Variants in PLEKHH1 observed in about 807,000 individuals in gnomAD.
The protein encoded by PLEKHH1 is pleckstrin homology domain-containing family H member 1.
In PLEKHH1, 104 loss-of-function variants were observed where a neutral mutation model predicts 160.0. The ratio of observed to expected loss-of-function variants is 0.65; its 90% CI spans 0.55 to 0.76. The LOEUF (loss-of-function observed/expected upper bound fraction) is 0.76, where lower values mean the gene tolerates loss of function less well. PLEKHH1 is among the 30% of genes least tolerant of loss of function. The probability of loss-of-function intolerance (pLI) is 0.00; values close to 1 mark genes in which losing one functional copy is unlikely to be tolerated. For missense variants in PLEKHH1, 1,427 were observed against 1,724.1 expected (o/e 0.83, Z 3.05); for synonymous variants, 619 against 678.4 (o/e 0.91, Z 1.36).
In PLEKHH1 at chr14:67,576,081, G is replaced by A; in HGVS notation, c.2352+76G>A. ...ATCTTCCCTTCTCTCTTTCTCCTGA[G>A]CTTCCCAAAATTCAAATTTATTTCC... On this transcript the variant is annotated intron_variant, in intron 16 of 28. Coordinates refer to ENST00000329153, the MANE Select transcript of PLEKHH1 (RefSeq NM_020715.3). This position sits in a 1 kb window ranked among gnomAD's most constrained non-coding sequence, Gnocchi z 4.0. The A allele has an allele frequency of 8.2e-7, 1 of 1,215,106 alleles. No individual in the cohort carries two copies. Among genetic ancestry groups the A allele is most frequent in the South Asian group, 1.5e-5 (1 of 68,126 alleles). 75.3% of individuals were successfully genotyped at this position (1,215,106 alleles called of 1,614,324 possible).
At chr14:67,585,757 C>A in intron 27 of PLEKHH1, 103 bp downstream of exon 27, 1 of 1,019,078 alleles carries the variant, frequency 9.8e-7, no homozygotes, top group Non-Finnish European at 1.5e-6. Flanking sequence ...ACCATGGCTG[C>A]CCTACCCCCA....
At chr14:67,577,538 G>T in intron 18 of PLEKHH1, 124 bp downstream of exon 18, 1 of 658,096 alleles carries the variant, frequency 1.5e-6, no homozygotes, top group South Asian at 1.8e-5. Context: ...ACTTCCCAGG[G>T]TCCCTATCAC....
chr14:67,584,968 G>C (rs1466801532), intron 26 of PLEKHH1: 2 of 152,348 alleles, frequency 1.3e-5, no homozygotes, highest in African/African-American at 4.8e-5. Context: ...ATGTCTATCT[G>C]CCTCCCTTTG....
rs116175610 is a variant in PLEKHH1 at position 67,585,651 on chromosome 14, T to A, written c.3783T>A (p.Thr1261=). The A allele has an allele frequency of 2.6e-6, 4 of 1,558,968 alleles. No homozygotes were observed. Among genetic ancestry groups the A allele is most frequent in the Non-Finnish European group, 3.5e-6 (4 of 1,147,232 alleles). ...EDGVSILDHN[T]MQVHITYPYS... The stretch of plus-strand genomic sequence containing the variant: ...GCGTCAGCATCCTGGACCACAACAC[T>A]ATGGTATGAAAGGATGCAGGCTGCT... The change falls in exon 27 of 29, where the codon ACT becomes ACA. Residue 1261 remains threonine, a synonymous_variant. Coordinates refer to ENST00000329153, the MANE Select transcript of PLEKHH1 (RefSeq NM_020715.3).
Position 67,555,928 on chromosome 14 carries a change from G to T in PLEKHH1, c.189+41G>T. 2.5e-6 allele frequency: 4 copies of T among 1,603,910 alleles called. No individual in the cohort carries two copies. In the South Asian group the frequency reaches 4.5e-5, roughly 18 times the overall value. On this transcript the variant is annotated intron_variant, in intron 3 of 28. Coordinates refer to ENST00000329153, the MANE Select transcript of PLEKHH1 (RefSeq NM_020715.3). Reference sequence around the variant, plus strand: ...GATCGGCGGGAATATGCAGGGGAATGACCGTCGGCCCTTCCAGGCCCTTCC... The same window carrying T: ...GATCGGCGGGAATATGCAGGGGAATTACCGTCGGCCCTTCCAGGCCCTTCC...
Position 67,579,391 on chromosome 14 carries a change from C to A in PLEKHH1, c.3027+80C>A, listed in dbSNP as rs1416258163. ...AATACCCCTGGGCCTTAGGCTCAGG[C>A]TTGGCAGATTGTTCACTGTTGCCCC... On this transcript the variant is annotated intron_variant, in intron 21 of 28. Coordinates refer to ENST00000329153, the MANE Select transcript of PLEKHH1 (RefSeq NM_020715.3). 1.6e-5 allele frequency: 18 copies of A among 1,160,162 alleles called. No homozygotes were observed. In the Middle Eastern group the frequency reaches 1.2e-3, roughly 75 times the overall value. 71.9% of individuals were successfully genotyped at this position (1,160,162 alleles called of 1,614,324 possible).
At chr14:67,570,325 C>G (rs1198223858) in intron 9 of PLEKHH1, 4 of 1,077,814 alleles carry the variant, frequency 3.7e-6, no homozygotes, top group African/African-American at 1.6e-5. Context: ...GGGGCTCCTT[C>G]TAGAATTACT....
intron 1 of PLEKHH1, among the ~76,000 whole-genome samples, chr14:67,537,985 CAAG>C (rs1408519388): frequency 2.0e-5 from 3 of 152,174 alleles, no homozygotes; most frequent in African/African-American, 7.2e-5. Context: ...CCAGCAGAAT[CAAG>C]AAAACTATGA....
chr14:67,539,865 A>G (rs2140320246), intron 1 of PLEKHH1, among the ~76,000 whole-genome samples: 1 of 152,322 alleles, frequency 6.6e-6, no homozygotes, highest in South Asian at 2.1e-4. Context: ...TGTAAGGTTT[A>G]AAGAGGCAAC....
chr14:67,552,938 A>C (rs1213915158), intron 2 of PLEKHH1, among the ~76,000 whole-genome samples: 1 of 152,210 alleles, frequency 6.6e-6, no homozygotes, highest in Non-Finnish European at 1.5e-5. Flanking sequence ...TGCATGGGAT[A>C]GATAATAAAA....
intron 1 of PLEKHH1, among the ~76,000 whole-genome samples, chr14:67,537,381 A>C (rs1310318954): frequency 3.0e-5 from 3 of 98,384 alleles, no homozygotes; most frequent in African/African-American, 1.2e-4. Context: ...AATAATAATA[A>C]AAACTTAATC....
chr14:67,563,007 G>A (rs2140422156), intron 7 of PLEKHH1, 113 bp downstream of exon 7: 1 of 1,084,336 alleles, frequency 9.2e-7, no homozygotes, highest in Non-Finnish European at 1.3e-6. Context: ...TCCTCATGGT[G>A]GCCCTGGCAG....
In PLEKHH1 at chr14:67,576,445, G is replaced by A. The variant is rs1566756545; in HGVS notation, c.2403G>A (p.Lys801=). The change falls in exon 17 of 29, where the codon AAG becomes AAA. Residue 801 remains lysine (K), a synonymous_variant. Transcript: ENST00000329153. The surrounding 1 kb of genome is among the most constrained non-coding windows in gnomAD (Gnocchi z 4.0). ...TGGCTGCAGGTGGCAGCAGTGCCAAGGTGGGCACTGCCTATGAGCAGCTCA... is the reference window on the plus strand; with the variant it reads ...TGGCTGCAGGTGGCAGCAGTGCCAAAGTGGGCACTGCCTATGAGCAGCTCA... The part of the protein sequence containing the change: ...LTVAAGGSSA[K]VGTAYEQLIG... The A allele has an allele frequency of 1.2e-6, 2 of 1,610,116 alleles. No individual in the cohort carries two copies. The highest frequency in any genetic ancestry group is 4.5e-5 in the East Asian group (2 of 44,860).
At position 67,552,390 on chromosome 14, in the gene PLEKHH1, G is replaced by A. The variant is rs113937719; in HGVS notation, c.127-3435G>A. 3.4e-3 allele frequency among the ~76,000 whole-genome samples: 524 copies of A among 152,322 alleles called. 3 individuals are homozygous for A. The highest frequency in any genetic ancestry group is 6.7e-3 in the African/African-American group (278 of 41,562). The stretch of plus-strand genomic sequence containing the variant: ...GTTGATGCTGGGGCTAAAGTGTTCA[G>A]ACATTAGTTTTAGAGAAAAAAGAAT... On this transcript the variant is annotated intron_variant, in intron 2 of 28. Coordinates refer to ENST00000329153, the MANE Select transcript of PLEKHH1 (RefSeq NM_020715.3).
In PLEKHH1 at chr14:67,562,705, C is replaced by A. The variant is rs1261496552; in HGVS notation, c.1074C>A (p.Pro358=). Residue 358 remains proline (P), a synonymous_variant, in exon 7 of 29, where the codon CCC becomes CCA. Transcript: ENST00000329153. Reference sequence around the variant, plus strand: ...CTGAGGCCTTCTCAGCCCTCCACCCCTCTGGCCTTCCTGAGCTGGAGTCCC... The same window carrying A: ...CTGAGGCCTTCTCAGCCCTCCACCCATCTGGCCTTCCTGAGCTGGAGTCCC... ...IETEAFSALH[P]SGLPELESRA... 2.5e-6 allele frequency: 4 copies of A among 1,612,966 alleles called. No homozygotes were observed. The South Asian group carries it at 4.4e-5, about 18-fold the overall frequency.
At chr14:67,580,887 C>T (rs773585413) in intron 22 of PLEKHH1, 51 bp from the exon 23 acceptor site, 8 of 1,228,200 alleles carry the variant, frequency 6.5e-6, no homozygotes, top group Non-Finnish European at 6.0e-6. Context: ...ACCTTGATCC[C>T]TTCTCTCCTT....
At chr14:67,542,030 G>A in intron 2 of PLEKHH1, 37 bp downstream of exon 2, 3 of 1,554,884 alleles carry the variant, frequency 1.9e-6, no homozygotes, top group East Asian at 2.4e-5. Context: ...CTCTCCACAC[G>A]CAGAGGTTTA....
intron 28 of PLEKHH1, 26 bp from the exon 29 acceptor site, chr14:67,587,048 C>A: frequency 6.4e-7 from 1 of 1,557,984 alleles, no homozygotes; most frequent in Non-Finnish European, 8.7e-7. Context: ...TAGTTCAATT[C>A]CTTCACATCT....
intron 2 of PLEKHH1, among the ~76,000 whole-genome samples, chr14:67,552,783 A>G (rs921644821): frequency 2.6e-5 from 4 of 151,684 alleles, no homozygotes; most frequent in African/African-American, 9.7e-5. Context: ...AAAAAACAAA[A>G]ACAAAAAGAA....
Sources: gnomAD v4.1 joint callset for allele counts (sites outside exome capture counted in the v4.1 genomes callset) on GRCh38, gnomAD v4.1.1 for gene constraint, Gnocchi (gnomAD v3.1) non-coding constraint, MANE v1.5 for transcripts, NCBI Gene and HGNC (gene_info 2026-07-23, HGNC 2026-07-21) for gene names.